The following ZNF385B variants were observed in gnomAD, a reference collection of about 807,000 sequenced individuals.
The protein encoded by ZNF385B is zinc finger protein 385B.
A neutral mutation model predicts 39.2 loss-of-function variants in ZNF385B; 23 were observed. The ratio of observed to expected loss-of-function variants is 0.59; its 90% CI spans 0.42 to 0.83. ZNF385B has a LOEUF of 0.83. Among genes scored for constraint, ZNF385B ranks in the 40% least tolerant of loss-of-function variants. The probability of loss-of-function intolerance (pLI) is 0.00; values close to 1 mark genes in which losing one functional copy is unlikely to be tolerated. For synonymous variants in ZNF385B, 205 were observed against 222.6 expected, an observed-to-expected ratio of 0.92 and a Z score of 0.70; for missense variants, 552 against 598.9, an observed-to-expected ratio of 0.92 and a Z score of 0.82.
At chr2:179,458,980 C>T (rs1482244747) in intron 6 of ZNF385B, among the ~76,000 whole-genome samples, 1 of 152,170 alleles carries the variant, frequency 6.6e-6, no homozygotes, top group Non-Finnish European at 1.5e-5. Flanking sequence ...GGATCGGTCC[C>T]AACCAAGAAC....
chr2:179,584,195 A>C, intron 3 of ZNF385B: 1 of 334,326 alleles, frequency 3.0e-6, no homozygotes, highest in South Asian at 2.4e-5. Context: ...TATTATAGGG[A>C]TGTAGGCAGC....
chr2:179,786,435 T>C (rs918387063), intron 1 of ZNF385B, among the ~76,000 whole-genome samples: 1 of 152,152 alleles, frequency 6.6e-6, no homozygotes, highest in Admixed American at 6.6e-5. Context: ...TTTCCATGCA[T>C]TAAATATTCA....
At chr2:179,696,326 C>CTATTTTT (rs1698742555) in intron 3 of ZNF385B, among the ~76,000 whole-genome samples, 1 of 40,354 alleles carries the variant, frequency 2.5e-5, no homozygotes, top group Non-Finnish European at 4.1e-5. Context: ...CAAACTGGGA[C>CTATTTTT]TTTTTTTTTT....
At chr2:179,836,742 T>C (rs189819066) in intron 1 of ZNF385B, among the ~76,000 whole-genome samples, 2 of 151,920 alleles carry the variant, frequency 1.3e-5, no homozygotes, top group African/African-American at 2.4e-5. Context: ...ATGGTCTCGA[T>C]CTCCTGACCT....
intron 3 of ZNF385B, among the ~76,000 whole-genome samples, chr2:179,615,126 TAG>T (rs1689625704): frequency 6.6e-6 from 1 of 152,190 alleles, no homozygotes; most frequent in Non-Finnish European, 1.5e-5. Flanking sequence ...ACTGCTGTCA[TAG>T]AGACATGGAA....
chr2:179,838,713 TACTG>T (rs1255800539), intron 1 of ZNF385B, among the ~76,000 whole-genome samples: 29 of 152,150 alleles, frequency 1.9e-4, no homozygotes, highest in Admixed American at 2.0e-4. Context: ...CTAACAAGAA[TACTG>T]GAAGCTTCAT....
intron 3 of ZNF385B, among the ~76,000 whole-genome samples, chr2:179,746,825 T>A (rs1702410040): frequency 6.6e-6 from 1 of 151,962 alleles, no homozygotes; most frequent in South Asian, 2.1e-4. Context: ...ACCCCAGAAA[T>A]ACATATACCC....
chr2:179,675,016 A>T (rs1696559221), intron 3 of ZNF385B, among the ~76,000 whole-genome samples: 2 of 152,202 alleles, frequency 1.3e-5, no homozygotes, highest in Admixed American at 6.5e-5. Flanking sequence ...TATGGGAGTT[A>T]GGGGCAGCAA....
intron 3 of ZNF385B, among the ~76,000 whole-genome samples, chr2:179,723,163 T>C (rs1001844824): frequency 1.3e-5 from 2 of 152,170 alleles, no homozygotes; most frequent in Non-Finnish European, 2.9e-5. Flanking sequence ...ATTCATTCAC[T>C]TAATATATAA....
At chr2:179,494,978 CAG>C (rs2105692052) in intron 5 of ZNF385B, among the ~76,000 whole-genome samples, 1 of 152,110 alleles carries the variant, frequency 6.6e-6, no homozygotes, top group African/African-American at 2.4e-5. Context: ...TTGAGAAAAA[CAG>C]AGGGAAAAGT....
chr2:179,822,624 GAATTTT>G (rs1229035562), intron 1 of ZNF385B, among the ~76,000 whole-genome samples: 2 of 152,054 alleles, frequency 1.3e-5, no homozygotes, highest in African/African-American at 4.8e-5. Context: ...CTAGACTTTT[GAATTTT>G]AATTTGTAAC....
chr2:179,678,512 C>T (rs1287978681), intron 3 of ZNF385B, among the ~76,000 whole-genome samples: 3 of 152,162 alleles, frequency 2.0e-5, no homozygotes, highest in Non-Finnish European at 2.9e-5. Flanking sequence ...AGAAGCCATA[C>T]AGGACACTGA....
chr2:179,819,140 A>G (rs1327017690), intron 1 of ZNF385B, among the ~76,000 whole-genome samples: 1 of 151,828 alleles, frequency 6.6e-6, no homozygotes, highest in Non-Finnish European at 1.5e-5. Context: ...ATAAAGTATG[A>G]CTCCGAGTAT....
intron 6 of ZNF385B, among the ~76,000 whole-genome samples, chr2:179,469,929 G>C (rs1463429842): frequency 2.6e-5 from 4 of 152,288 alleles, no homozygotes; most frequent in Non-Finnish European, 4.4e-5. Flanking sequence ...CAGATCATAA[G>C]ACATGGGCAG....
chr2:179,803,734 A>G (rs533648386), intron 1 of ZNF385B, among the ~76,000 whole-genome samples: 3 of 152,164 alleles, frequency 2.0e-5, no homozygotes, highest in Non-Finnish European at 4.4e-5. Context: ...AGCATCAAAG[A>G]AAGATAATTC....
chr2:179,544,251 C>G (rs558760854), intron 4 of ZNF385B, among the ~76,000 whole-genome samples: 2 of 152,260 alleles, frequency 1.3e-5, no homozygotes, highest in African/African-American at 4.8e-5. Flanking sequence ...AACACTTATC[C>G]TATGTTTTAA....
intron 1 of ZNF385B, among the ~76,000 whole-genome samples, chr2:179,845,516 C>G (rs180811194): frequency 2.9e-4 from 44 of 152,232 alleles, no homozygotes; most frequent in African/African-American, 1.1e-3. Context: ...GGACAAGGAT[C>G]AAGGATAAAG....
At chr2:179,845,331 T>A (rs1029348732) in intron 1 of ZNF385B, among the ~76,000 whole-genome samples, 1 of 151,938 alleles carries the variant, frequency 6.6e-6, no homozygotes, top group Non-Finnish European at 1.5e-5. Flanking sequence ...AAGAAAAAAA[T>A]TAAAGAACCA....
chr2:179,573,959 T>C (rs1011801496), intron 3 of ZNF385B, among the ~76,000 whole-genome samples: 1 of 152,182 alleles, frequency 6.6e-6, no homozygotes, highest in Non-Finnish European at 1.5e-5. Context: ...ATAAAAAGTA[T>C]AGCATTATTA....
Sources: allele counts gnomAD v4.1 joint callset (sites outside exome capture counted in the v4.1 genomes callset), GRCh38; gene constraint gnomAD v4.1.1; transcripts MANE v1.5; gene names NCBI Gene and HGNC (gene_info 2026-07-23, HGNC 2026-07-21).